The following AGFG2 variants were observed in gnomAD, a reference collection of about 807,000 sequenced individuals.
The protein encoded by AGFG2 is arf-GAP domain and FG repeat-containing protein 2.
AGFG2 carries 31 observed loss-of-function variants against 48.0 expected under a neutral mutation model. The ratio of observed to expected loss-of-function variants is 0.65; its 90% CI spans 0.49 to 0.87. AGFG2 has a LOEUF of 0.87. Among genes scored for constraint, AGFG2 ranks in the 40% least tolerant of loss-of-function variants. The pLI, the probability that AGFG2 is intolerant of heterozygous loss-of-function variation, is 0.00. For synonymous variants in AGFG2, 229 were observed against 260.8 expected, an observed-to-expected ratio of 0.88 and a Z score of 1.18; for missense variants, 599 against 632.6, an observed-to-expected ratio of 0.95 and a Z score of 0.57.
intron 5 of AGFG2, among the ~76,000 whole-genome samples, chr7:100,554,468 G>A (rs1013395067): frequency 1.3e-5 from 2 of 152,164 alleles, no homozygotes; most frequent in Non-Finnish European, 2.9e-5. Context: ...ATAGTTGAGG[G>A]CTCCTAGCAC....
intron 5 of AGFG2, 49 bp downstream of exon 5, chr7:100,554,307 A>G: frequency 1.3e-6 from 2 of 1,550,894 alleles, no homozygotes; most frequent in Non-Finnish European, 1.7e-6. Context: ...TATGCTTACA[A>G]CATGAGAGAT....
chr7:100,558,197 A>G (rs1800795129), intron 6 of AGFG2, among the ~76,000 whole-genome samples: 1 of 152,224 alleles, frequency 6.6e-6, no homozygotes, highest in African/African-American at 2.4e-5. Flanking sequence ...CTGGGCGACA[A>G]GAGCGAGACT....
Position 100,548,851 on chromosome 7 carries a change from A to T in AGFG2, c.251A>T (p.Lys84Met), listed in dbSNP as rs1327708545. The stretch of plus-strand genomic sequence containing the variant: ...GGGCTGAACCCCCCTCATCGTGTCA[A>T]GTCAATCTCCATGACAACTTTCACT... ...LRGLNPPHRV[K>M]SISMTTFTEP... Residue 84 changes from lysine (K) to methionine (M), a missense_variant, in exon 2 of 12, where the codon AAG becomes ATG. Physicochemically the swap from Lys to Met is moderately conservative, Grantham distance 95 (BLOSUM62 -1). Transcript: ENST00000300176. 1.2e-6 allele frequency: 2 copies of T among 1,613,670 alleles called. No individual in the cohort carries two copies. The highest frequency in any genetic ancestry group is 1.7e-6 in the Non-Finnish European group (2 of 1,179,766).
At chr7:100,550,608 G>T in intron 3 of AGFG2, 97 bp downstream of exon 3, 1 of 891,926 alleles carries the variant, frequency 1.1e-6, no homozygotes, top group East Asian at 2.5e-5. Context: ...TCTCACAAAA[G>T]ACTAGACTTG....
chr7:100,552,046 A>G (rs1415109118), intron 3 of AGFG2, among the ~76,000 whole-genome samples: 1 of 151,896 alleles, frequency 6.6e-6, no homozygotes, highest in Non-Finnish European at 1.5e-5. Flanking sequence ...CTAGTTCAAG[A>G]CTAGCCTGGC....
intron 6 of AGFG2, among the ~76,000 whole-genome samples, chr7:100,558,400 G>A (rs1322193066): frequency 2.6e-5 from 4 of 152,018 alleles, no homozygotes; most frequent in South Asian, 4.1e-4. Flanking sequence ...AGGAATATTC[G>A]ATTTAGTAAG....
chr7:100,564,113 C>G, intron 10 of AGFG2, 105 bp from the exon 11 acceptor site: 1 of 1,529,108 alleles, frequency 6.5e-7, no homozygotes, highest in Non-Finnish European at 8.9e-7. Flanking sequence ...CCGGGTACTT[C>G]CACTGCTCTG....
chr7:100,564,988 G>A lies in AGFG2; in HGVS notation c.1443G>A (p.Leu481=). The A allele has an allele frequency of 6.2e-7, 1 of 1,614,136 alleles. No homozygotes were observed. ...AACCTCCAACCACCAACCCCTTCTT[G>A]TAGCACTGTGTTTTTGGGGGGCCTC... ...ASKPPTTNPF[L] Residue 481 remains leucine (L), a synonymous_variant, in exon 12 of 12, where the codon TTG becomes TTA. Transcript: ENST00000300176.
At chr7:100,545,699 G>GAGTTATGTT (rs540805021) in intron 1 of AGFG2, among the ~76,000 whole-genome samples, 70 of 152,318 alleles carry the variant, frequency 4.6e-4, no homozygotes, top group African/African-American at 1.6e-3. Flanking sequence ...AGGAACCTGA[G>GAGTTATGTT]AGTTATGTTG....
Position 100,562,028 on chromosome 7 carries a change from G to A in AGFG2, c.878-231G>A, listed in dbSNP as rs969129488. Among the ~76,000 whole-genome samples, 4 of 152,054 alleles carry A rather than the reference G, an allele frequency of 2.6e-5. No homozygotes were observed. The highest frequency in any genetic ancestry group is 4.8e-5 in the African/African-American group (2 of 41,392). On this transcript the variant is annotated intron_variant, in intron 6 of 11. Coordinates refer to ENST00000300176, the MANE Select transcript of AGFG2 (RefSeq NM_006076.5). The surrounding 1 kb of genome is among the most constrained non-coding windows in gnomAD (Gnocchi z 5.4). ...TCCTCTCCGCAGCGCAGCTTTGAGC[G>A]CAGGGGACACGGAGAAGGGCTGGGC...
At chr7:100,561,127 C>CTTT (rs76456752) in intron 6 of AGFG2, among the ~76,000 whole-genome samples, 1 of 125,056 alleles carries the variant, frequency 8.0e-6, no homozygotes. Context: ...CCAGATCTCC[C>CTTT]TTTTTTTTTT....
chr7:100,563,154 C>T (rs1314250737), intron 9 of AGFG2, among the ~76,000 whole-genome samples: 4 of 152,314 alleles, frequency 2.6e-5, no homozygotes, highest in Non-Finnish European at 4.4e-5. Flanking sequence ...GGCTACTTAC[C>T]GGAGACCGCA....
intron 4 of AGFG2, 35 bp from the exon 5 acceptor site, chr7:100,554,058 A>T: frequency 6.3e-7 from 1 of 1,589,310 alleles, no homozygotes; most frequent in Non-Finnish European, 8.6e-7. Context: ...CATGTCTGGG[A>T]TTCTAAGGGC....
intron 6 of AGFG2, 49 bp downstream of exon 6, chr7:100,555,784 G>A: frequency 6.2e-7 from 1 of 1,606,138 alleles, no homozygotes; most frequent in East Asian, 2.2e-5. Context: ...GTGTCCATTT[G>A]TTCATGTCTA....
intron 1 of AGFG2, among the ~76,000 whole-genome samples, chr7:100,541,752 G>A (rs1256284925): frequency 1.4e-5 from 2 of 146,406 alleles, no homozygotes; most frequent in African/African-American, 2.6e-5. Context: ...GTCGCAGAGC[G>A]AGACTCTGTC....
chr7:100,553,323 C>T, intron 3 of AGFG2, 24 bp from the exon 4 acceptor site: 1 of 1,613,974 alleles, frequency 6.2e-7, no homozygotes, highest in Non-Finnish European at 8.5e-7. Flanking sequence ...CCTCTCTTTA[C>T]AGCCTAACTA....
chr7:100,562,656 G>A lies in AGFG2; in HGVS notation c.1061G>A (p.Gly354Asp). 6.2e-7 allele frequency: 1 copy of A among 1,609,454 alleles called. No homozygotes were observed. Residue 354 changes from glycine to aspartate, a missense_variant, in exon 8 of 12, where the codon GGC becomes GAC. Gly to Asp is a moderately conservative substitution (Grantham distance 94, BLOSUM62 -1). Coordinates refer to ENST00000300176, the MANE Select transcript of AGFG2 (RefSeq NM_006076.5). The surrounding 1 kb of genome is among the most constrained non-coding windows in gnomAD (Gnocchi z 5.4). ...LQSVTMGGGG[G>D]SSTGLAFGAF... ...TCTGTCACGATGGGCGGCGGCGGCG[G>A]CAGCAGCACAGGGCTGGCCTTTGGA... is the stretch of plus-strand genomic sequence containing the variant.
chr7:100,561,127 C>CT (rs76456752), intron 6 of AGFG2, among the ~76,000 whole-genome samples: 14,765 of 125,050 alleles, frequency 0.12, 982 homozygotes, highest in African/African-American at 0.16. Flanking sequence ...CCAGATCTCC[C>CT]TTTTTTTTTT....
chr7:100,540,876 G>A (rs1367570065), intron 1 of AGFG2, among the ~76,000 whole-genome samples: 1 of 151,994 alleles, frequency 6.6e-6, no homozygotes, highest in Non-Finnish European at 1.5e-5. Flanking sequence ...CCTGGGTGTG[G>A]TGGCGCGCAC....
Sources: gnomAD v4.1 joint callset for allele counts (sites outside exome capture counted in the v4.1 genomes callset) on GRCh38, gnomAD v4.1.1 for gene constraint, Gnocchi (gnomAD v3.1) non-coding constraint, MANE v1.5 for transcripts, NCBI Gene and HGNC (gene_info 2026-07-23, HGNC 2026-07-21) for gene names.